HMCN1: variants seen among roughly 807,000 people sequenced by gnomAD.
The protein encoded by HMCN1 is hemicentin-1.
HMCN1 carries 321 observed loss-of-function variants against 625.9 expected under a neutral mutation model. The ratio of observed to expected loss-of-function variants is 0.51; its 90% CI spans 0.47 to 0.56. The LOEUF (loss-of-function observed/expected upper bound fraction) is 0.56. HMCN1 is among the 20% of genes least tolerant of loss of function. The pLI is 0.00. For synonymous variants in HMCN1, 2,425 were observed against 2,417.6 expected (o/e 1.00, Z -0.09); for missense variants, 6,588 against 6,887.3 (o/e 0.96, Z 1.54).
chr1:185,885,188 A>G (rs574899619), intron 4 of HMCN1, among the ~76,000 whole-genome samples: 1 of 151,850 alleles, frequency 6.6e-6, no homozygotes, highest in East Asian at 1.9e-4. Flanking sequence ...TCAGTATATT[A>G]GAAACAAATT....
chr1:186,132,145 T>C (rs954602332), intron 85 of HMCN1, among the ~76,000 whole-genome samples, 183 bp from the exon 86 acceptor site: 2 of 152,082 alleles, frequency 1.3e-5, no homozygotes, highest in African/African-American at 4.8e-5. Flanking sequence ...CCCCTCCTCT[T>C]TCTCTTCCTC....
At chr1:185,944,316 G>A (rs138629437) in intron 11 of HMCN1, among the ~76,000 whole-genome samples, 227 of 152,312 alleles carry the variant, frequency 1.5e-3, no homozygotes, top group Admixed American at 3.1e-3. Context: ...AGACTCAGAA[G>A]GGAGAGGGTA....
chr1:185,746,747 A>G (rs1165345173), intron 1 of HMCN1, among the ~76,000 whole-genome samples: 1 of 151,858 alleles, frequency 6.6e-6, no homozygotes, highest in East Asian at 1.9e-4. Context: ...CTGGGATTAC[A>G]GGTGCCCACC....
At chr1:185,865,698 T>C (rs760756881) in intron 3 of HMCN1, 43 bp from the exon 4 acceptor site, 1 of 1,574,094 alleles carries the variant, frequency 6.4e-7, no homozygotes, top group Non-Finnish European at 8.7e-7. Context: ...TTTTTATTTC[T>C]GGAAACCCTT....
chr1:186,152,605 A>T, intron 95 of HMCN1, 145 bp from the exon 96 acceptor site: 1 of 902,868 alleles, frequency 1.1e-6, no homozygotes, highest in Non-Finnish European at 1.8e-6. Flanking sequence ...TTGGGAGGTT[A>T]AGTGCTATTT....
chr1:185,925,891 G>A (rs1214567756), intron 9 of HMCN1, among the ~76,000 whole-genome samples: 5 of 152,210 alleles, frequency 3.3e-5, no homozygotes, highest in African/African-American at 4.8e-5. Context: ...AGCCCATTGA[G>A]CCAGGAGGAG....
chr1:185,893,658 G>C (rs1453651406), intron 4 of HMCN1, among the ~76,000 whole-genome samples: 1 of 151,996 alleles, frequency 6.6e-6, no homozygotes, highest in African/African-American at 2.4e-5. Context: ...ATATGTACTT[G>C]AGCTTCTTTG....
intron 52 of HMCN1, 71 bp from the exon 53 acceptor site, chr1:186,074,670 T>C: frequency 3.0e-6 from 4 of 1,352,060 alleles, no homozygotes; most frequent in Non-Finnish European, 4.2e-6. Flanking sequence ...TCACAAAAAC[T>C]ATCAACTGCA....
rs371780674 is a variant in HMCN1 at position 186,065,569 on chromosome 1, A to G, written c.7705+140A>G. 2.3e-5 allele frequency: 13 copies of G among 575,776 alleles called. No homozygotes were observed. The East Asian group carries it at 3.3e-4, about 15-fold the overall frequency. 35.7% of individuals were successfully genotyped at this position (575,776 alleles called of 1,614,324 possible). A position where few individuals can be genotyped will look rare whatever the true frequency, so the allele number is the denominator to read the frequency against. ...GGACCAGTGCTTGTGTACATTTACT[A>G]TTTTTCCTGAATTAATTTATAAATT... On this transcript the variant is annotated intron_variant, in intron 49 of 106. Transcript: ENST00000271588.
intron 1 of HMCN1, among the ~76,000 whole-genome samples, chr1:185,759,032 A>G (rs1488332767): frequency 1.3e-5 from 2 of 152,198 alleles, no homozygotes; most frequent in Admixed American, 6.5e-5. Context: ...ACTGAAGGTG[A>G]TGGTTGAAGA....
chr1:185,752,227 G>A (rs1054095968), intron 1 of HMCN1, among the ~76,000 whole-genome samples: 3 of 152,038 alleles, frequency 2.0e-5, no homozygotes, highest in Non-Finnish European at 2.9e-5. Context: ...TTGACAGATG[G>A]CAAGCTTTCT....
At chr1:186,099,110 T>C (rs1417058314) in intron 68 of HMCN1, among the ~76,000 whole-genome samples, 3 of 152,018 alleles carry the variant, frequency 2.0e-5, no homozygotes, top group African/African-American at 7.2e-5. Flanking sequence ...GTGACTATAG[T>C]TAATAATATA....
chr1:185,987,858 CAA>C (rs3057352), intron 20 of HMCN1, among the ~76,000 whole-genome samples: 3 of 119,532 alleles, frequency 2.5e-5, no homozygotes, highest in African/African-American at 3.0e-5. Context: ...AGCCCTGGTC[CAA>C]AAAAAAAAAA....
chr1:185,781,181 A>G (rs987937493), intron 1 of HMCN1, among the ~76,000 whole-genome samples: 17 of 152,106 alleles, frequency 1.1e-4, no homozygotes, highest in South Asian at 4.2e-4. Flanking sequence ...ATTTCTGTGC[A>G]ATCGGTGGTG....
intron 1 of HMCN1, among the ~76,000 whole-genome samples, chr1:185,836,862 G>T (rs1661201073): frequency 6.6e-6 from 1 of 151,940 alleles, no homozygotes; most frequent in African/African-American, 2.4e-5. Flanking sequence ...GCTCCCACTT[G>T]TAAGTGAGAA....
rs188785761 is a variant in HMCN1, at chr1:185,998,666, C to T, written c.3874+1142C>T. ...GACTTCCCTTTTCCACCTAGAAAAACATCTCTTCCTTACTTCCTCATTTTC... is the reference window on the plus strand; with the variant it reads ...GACTTCCCTTTTCCACCTAGAAAAATATCTCTTCCTTACTTCCTCATTTTC... On this transcript the variant is annotated intron_variant, in intron 25 of 106. Transcript: ENST00000271588. 1.0e-3 allele frequency among the ~76,000 whole-genome samples: 156 copies of T among 152,226 alleles called. No individual in the cohort carries two copies. In the Middle Eastern group the frequency reaches 0.017, roughly 17 times the overall value.
At position 186,081,408 on chromosome 1, in the gene HMCN1, A is replaced by G; in HGVS notation, c.8787+14A>G. ...CGAATTCTGCAGGTAAAAGTAAAGA[A>G]AGATCTAATTTTAAAAGAGCTATTT... On this transcript the variant is annotated intron_variant, in intron 56 of 106. Coordinates refer to ENST00000271588, the MANE Select transcript of HMCN1 (RefSeq NM_031935.3). The G allele has an allele frequency of 6.3e-7, 1 of 1,585,796 alleles. No homozygotes were observed. Among genetic ancestry groups the G allele is most frequent in the Non-Finnish European group, 8.7e-7 (1 of 1,154,744 alleles).
intron 30 of HMCN1, 116 bp downstream of exon 30, chr1:186,007,398 T>G (rs1653714270): frequency 1.1e-6 from 1 of 922,666 alleles, no homozygotes. Flanking sequence ...ACTACATACT[T>G]CAAGAGAAGA....
chr1:186,068,400 A>G (rs947105781), intron 50 of HMCN1, among the ~76,000 whole-genome samples: 3 of 152,286 alleles, frequency 2.0e-5, no homozygotes, highest in Admixed American at 6.5e-5. Flanking sequence ...CTGCATGGAA[A>G]TAGATAATGC....
Sources: allele counts gnomAD v4.1 joint callset (sites outside exome capture counted in the v4.1 genomes callset), GRCh38; gene constraint gnomAD v4.1.1; transcripts MANE v1.5; gene names NCBI Gene and HGNC (gene_info 2026-07-23, HGNC 2026-07-21).